The following CADM2 variants were observed in gnomAD, a reference collection of about 807,000 sequenced individuals.
CADM2 encodes cell adhesion molecule 2.
A neutral mutation model predicts 49.8 loss-of-function variants in CADM2; 12 were observed. That is an observed-to-expected ratio of 0.24 (90% CI 0.15 to 0.39). The LOEUF (loss-of-function observed/expected upper bound fraction) is 0.39, where lower values mean the gene tolerates loss of function less well. Among genes scored for constraint, CADM2 ranks in the 10% least tolerant of loss-of-function variants. The pLI, the probability that CADM2 is intolerant of heterozygous loss-of-function variation, is 1.00. For synonymous variants in CADM2, 214 were observed against 175.4 expected (o/e 1.22, Z -1.74); for missense variants, 378 against 492.3 (o/e 0.77, Z 2.20).
chr3:85,870,091 G>T (rs1375079938), intron 3 of CADM2, among the ~76,000 whole-genome samples: 1 of 152,104 alleles, frequency 6.6e-6, no homozygotes, highest in Non-Finnish European at 1.5e-5. Flanking sequence ...GATCTCCTGG[G>T]CTCATTAGAA....
intron 1 of CADM2, among the ~76,000 whole-genome samples, chr3:85,128,864 G>T (rs779456542): frequency 3.9e-5 from 6 of 152,116 alleles, no homozygotes; most frequent in Non-Finnish European, 7.4e-5. Flanking sequence ...CTGTGGGGCA[G>T]AAATTACATA....
At chr3:85,192,969 G>T (rs1423085448) in intron 1 of CADM2, among the ~76,000 whole-genome samples, 2 of 152,030 alleles carry the variant, frequency 1.3e-5, no homozygotes, top group East Asian at 3.9e-4. Flanking sequence ...ATAAATGATG[G>T]ATTATAGGCA....
At chr3:85,846,024 T>A (rs1003798140) in intron 3 of CADM2, among the ~76,000 whole-genome samples, 5 of 151,974 alleles carry the variant, frequency 3.3e-5, no homozygotes, top group African/African-American at 1.2e-4. Context: ...CAGAGGAGGA[T>A]TCCAAATAAA....
At position 86,074,222 on chromosome 3, in the gene CADM2, A is replaced by G. The variant is rs1055458020; in HGVS notation, c.*7439A>G. The stretch of plus-strand genomic sequence containing the variant: ...CCAACCTAAGCTTCTGCCAATAAGG[A>G]TTTCAGATAAGCTTTTAAATTTATG... On this transcript the variant is annotated 3_prime_UTR_variant, in exon 10 of 10. Coordinates refer to ENST00000383699, the MANE Select transcript of CADM2 (RefSeq NM_001167675.2). 1 of 151,984 alleles carries G rather than the reference A, an allele frequency of 6.6e-6. No individual in the cohort carries two copies. Among genetic ancestry groups the G allele is most frequent in the Non-Finnish European group, 1.5e-5 (1 of 67,870 alleles). 9.4% of individuals were successfully genotyped at this position (151,984 alleles called of 1,614,324 possible).
At chr3:85,972,137 T>C (rs1022744124) in intron 8 of CADM2, among the ~76,000 whole-genome samples, 56 of 151,644 alleles carry the variant, frequency 3.7e-4, no homozygotes, top group African/African-American at 1.3e-3. Flanking sequence ...TTATCCACTT[T>C]TACACTGTGA....
rs540738195 is a variant in CADM2, at chr3:85,380,047, T to A, written c.62-346475T>A. Among the ~76,000 whole-genome samples the A allele has an allele frequency of 7.2e-5, 11 of 152,194 alleles. No individual in the cohort carries two copies. In the South Asian group the frequency reaches 1.0e-3, roughly 14 times the overall value. On this transcript the variant is annotated intron_variant, in intron 1 of 9. Coordinates refer to ENST00000383699, the MANE Select transcript of CADM2 (RefSeq NM_001167675.2). ...CCAATGACAAGCAAAGAGTTTGATA[T>A]CTTTTCAAAGAGTAGAGTTGAAATT...
intron 8 of CADM2, among the ~76,000 whole-genome samples, chr3:85,969,257 C>T (rs930036451): frequency 1.3e-5 from 2 of 151,570 alleles, no homozygotes; most frequent in African/African-American, 4.8e-5. Context: ...CCAAGTCCTG[C>T]ATTTTATGGC....
chr3:85,152,738 A>C (rs2107649116), intron 1 of CADM2, among the ~76,000 whole-genome samples: 1 of 152,190 alleles, frequency 6.6e-6, no homozygotes, highest in African/African-American at 2.4e-5. Flanking sequence ...CGGGTGGATC[A>C]TGAGGTCAGG....
At chr3:86,065,023 A>G (rs948922130) in intron 8 of CADM2, among the ~76,000 whole-genome samples, 1 of 152,084 alleles carries the variant, frequency 6.6e-6, no homozygotes, top group Non-Finnish European at 1.5e-5. Flanking sequence ...TCCTCTCTGA[A>G]TGTTCTCTCC....
intron 1 of CADM2, among the ~76,000 whole-genome samples, chr3:85,068,383 C>T (rs1435966575): frequency 6.6e-6 from 1 of 152,168 alleles, no homozygotes; most frequent in Non-Finnish European, 1.5e-5. Context: ...GTTCTCTAGA[C>T]ACACAATCTG....
chr3:85,292,936 A>C (rs1429013028), intron 1 of CADM2, among the ~76,000 whole-genome samples: 3 of 152,016 alleles, frequency 2.0e-5, no homozygotes, highest in African/African-American at 7.2e-5. Context: ...AAATAACTAA[A>C]ATCAGAGCAG....
intron 8 of CADM2, among the ~76,000 whole-genome samples, chr3:85,996,752 C>T (rs1729479133): frequency 6.6e-6 from 1 of 152,106 alleles, no homozygotes; most frequent in African/African-American, 2.4e-5. Context: ...TATACATCCC[C>T]ATTCCAACCT....
intron 1 of CADM2, among the ~76,000 whole-genome samples, chr3:85,406,238 A>T (rs1253292069): frequency 6.6e-6 from 1 of 152,046 alleles, no homozygotes; most frequent in Non-Finnish European, 1.5e-5. Flanking sequence ...TTACTATTTC[A>T]TTATTTCCTT....
intron 8 of CADM2, among the ~76,000 whole-genome samples, chr3:86,031,615 T>C (rs1471649299): frequency 2.0e-5 from 3 of 151,856 alleles, no homozygotes; most frequent in Admixed American, 2.0e-4. Context: ...CAGAGTAAAA[T>C]TTTAGTCATT....
chr3:85,107,273 A>G (rs967035484), intron 1 of CADM2, among the ~76,000 whole-genome samples: 16 of 152,190 alleles, frequency 1.1e-4, no homozygotes, highest in Non-Finnish European at 2.4e-4. Flanking sequence ...ATATATGGAT[A>G]TTTCATAAGT....
intron 1 of CADM2, among the ~76,000 whole-genome samples, chr3:85,199,043 C>T (rs975252855): frequency 2.0e-5 from 3 of 151,854 alleles, no homozygotes; most frequent in Admixed American, 6.6e-5. Flanking sequence ...AATTTAACTT[C>T]TATTAGATTT....
intron 1 of CADM2, among the ~76,000 whole-genome samples, chr3:85,062,692 A>T (rs1174654848): frequency 2.0e-5 from 3 of 151,986 alleles, no homozygotes; most frequent in African/African-American, 7.2e-5. Flanking sequence ...AAGTATAAAT[A>T]TGACAATTTT....
In CADM2 at chr3:85,215,126, G is replaced by A. The variant is rs1033944066; in HGVS notation, c.61+255458G>A. On this transcript the variant is annotated intron_variant, in intron 1 of 9. Transcript: ENST00000383699. ...CAAGGCCCATGGGGAGTAATGCCTG[G>A]GCAACACTGATATTTATTCAAGGCT... Among the ~76,000 whole-genome samples the A allele has an allele frequency of 3.9e-5, 6 of 151,966 alleles. No homozygotes were observed. In the South Asian group the frequency reaches 1.0e-3, roughly 26 times the overall value.
At chr3:85,152,537 T>C (rs2039957746) in intron 1 of CADM2, among the ~76,000 whole-genome samples, 1 of 152,212 alleles carries the variant, frequency 6.6e-6, no homozygotes, top group Non-Finnish European at 1.5e-5. Context: ...TAATATTGAT[T>C]GTGGAGTTGG....
Sources: allele counts gnomAD v4.1 joint callset (sites outside exome capture counted in the v4.1 genomes callset), GRCh38; gene constraint gnomAD v4.1.1; transcripts MANE v1.5; gene names NCBI Gene and HGNC (gene_info 2026-07-23, HGNC 2026-07-21).